Variants in CHODL observed in about 807,000 individuals in gnomAD.
CHODL encodes transmembrane protein MT75.
A neutral mutation model predicts 34.5 loss-of-function variants in CHODL; 29 were observed. The ratio of observed to expected loss-of-function variants is 0.84; its 90% confidence interval spans 0.63 to 1.15. CHODL has a LOEUF of 1.15. Ranked by LOEUF, CHODL falls within the 50% of genes most tolerant of loss-of-function variation. The pLI, the probability that CHODL is intolerant of heterozygous loss-of-function variation, is 0.00. For synonymous variants in CHODL, 125 were observed against 116.1 expected (o/e 1.08, Z -0.49); for missense variants, 332 against 332.5 (o/e 1.00, Z 0.01).
intron 1 of CHODL, among the ~76,000 whole-genome samples, chr21:17,923,926 G>A (rs2063203417): frequency 6.6e-6 from 1 of 152,224 alleles, no homozygotes; most frequent in Non-Finnish European, 1.5e-5. Flanking sequence ...ACAGGTTGAA[G>A]TCAAAGAAGC....
At chr21:17,927,118 A>G (rs1275732147) in intron 1 of CHODL, among the ~76,000 whole-genome samples, 1 of 117,058 alleles carries the variant, frequency 8.5e-6, no homozygotes, top group South Asian at 3.1e-4. Context: ...GTATATATGT[A>G]TATATGTATA....
chr21:18,176,742 C>G (rs2073319146), intron 2 of CHODL, among the ~76,000 whole-genome samples: 1 of 151,672 alleles, frequency 6.6e-6, no homozygotes, highest in African/African-American at 2.4e-5. Context: ...CAATTTGAAA[C>G]CAAAAAGGGT....
intron 2 of CHODL, among the ~76,000 whole-genome samples, chr21:18,031,960 T>A (rs936916442): frequency 1.3e-5 from 2 of 152,102 alleles, no homozygotes; most frequent in African/African-American, 4.8e-5. Context: ...ATTTATATGA[T>A]TTTTTGGCAC....
chr21:18,168,516 A>G lies in CHODL; in HGVS notation c.-44-87993A>G, dbSNP rs141955501. On this transcript the variant is annotated intron_variant, in intron 2 of 6. Coordinates refer to the CHODL transcript ENST00000400127. Reference sequence around the variant, plus strand: ...TTGTGGTTTTGATATGCATTTCCCTAATGATTAATGATATTAGACATCTTA... The same window carrying G: ...TTGTGGTTTTGATATGCATTTCCCTGATGATTAATGATATTAGACATCTTA... Among the ~76,000 whole-genome samples the G allele has an allele frequency of 4.4e-4, 67 of 152,272 alleles. No individual in the cohort carries two copies. In the East Asian group the frequency reaches 0.011, roughly 25 times the overall value.
chr21:18,114,530 G>GCAA (rs989920940), intron 2 of CHODL, among the ~76,000 whole-genome samples: 60 of 152,188 alleles, frequency 3.9e-4, no homozygotes, highest in African/African-American at 1.3e-3. Context: ...TTGGCTCACT[G>GCAA]CAACCTCTGT....
intron 1 of CHODL, among the ~76,000 whole-genome samples, chr21:18,010,728 C>A (rs158069): frequency 0.41 from 62,042 of 152,058 alleles, 15,396 homozygotes; most frequent in African/African-American, 0.7. Context: ...CAAAAACAAA[C>A]CACTTAAAAA....
chr21:18,050,510 G>A (rs1274354245), intron 2 of CHODL, among the ~76,000 whole-genome samples: 1 of 152,098 alleles, frequency 6.6e-6, no homozygotes, highest in East Asian at 1.9e-4. Flanking sequence ...CAGATTGGAC[G>A]AAGGTGGTAG....
chr21:17,971,636 A>G (rs573100712), intron 1 of CHODL, among the ~76,000 whole-genome samples: 18 of 152,128 alleles, frequency 1.2e-4, no homozygotes, highest in African/African-American at 4.3e-4. Flanking sequence ...GATATTAACA[A>G]GTTCTAAAAT....
chr21:18,265,108 G>A (rs8127771), intron 5 of CHODL, among the ~76,000 whole-genome samples: 24,896 of 151,308 alleles, frequency 0.16, 2,414 homozygotes, highest in African/African-American at 0.28. Flanking sequence ...TCAGGCACAT[G>A]TTTGTAGGTG....
intron 1 of CHODL, among the ~76,000 whole-genome samples, chr21:17,945,384 A>C (rs2824574): frequency 0.46 from 69,629 of 151,792 alleles, 16,661 homozygotes; most frequent in East Asian, 0.61. Context: ...CCAAAAAGTG[A>C]GAATATTGAC....
chr21:17,958,536 T>A (rs146260329), intron 1 of CHODL, among the ~76,000 whole-genome samples: 16 of 152,326 alleles, frequency 1.1e-4, no homozygotes, highest in African/African-American at 3.8e-4. Flanking sequence ...AGCCAGCTTT[T>A]AGAAGTATCA....
chr21:17,924,954 A>G (rs761850009), intron 1 of CHODL, among the ~76,000 whole-genome samples: 17 of 152,304 alleles, frequency 1.1e-4, no homozygotes, highest in Middle Eastern at 6.8e-3. Flanking sequence ...CTGTGGTCTG[A>G]ATTAGTTAAT....
At chr21:18,242,269 T>A (rs909404113), upstream of CHODL, among the ~76,000 whole-genome samples, 3 of 152,352 alleles carry the variant, frequency 2.0e-5, no homozygotes, top group Middle Eastern at 3.4e-3. Context: ...TATGACACCT[T>A]ATGCATATCC....
At chr21:18,186,433 T>C (rs895549536) in intron 2 of CHODL, among the ~76,000 whole-genome samples, 4 of 152,116 alleles carry the variant, frequency 2.6e-5, no homozygotes, top group Admixed American at 1.3e-4. Flanking sequence ...TCATGTTCAC[T>C]GCTGCAGGGC....
chr21:18,209,928 C>G (rs939749840), intron 2 of CHODL, among the ~76,000 whole-genome samples: 1 of 152,068 alleles, frequency 6.6e-6, no homozygotes, highest in Non-Finnish European at 1.5e-5. Flanking sequence ...CTTCTCTCTC[C>G]TTTTCTCAAG....
chr21:18,088,000 G>T (rs1003628870), intron 2 of CHODL, among the ~76,000 whole-genome samples: 2 of 152,102 alleles, frequency 1.3e-5, no homozygotes, highest in Admixed American at 6.5e-5. Context: ...GACAAGCGAA[G>T]GGGGAAGTGC....
chr21:18,221,719 A>G (rs2073885372), intron 2 of CHODL, among the ~76,000 whole-genome samples: 1 of 152,182 alleles, frequency 6.6e-6, no homozygotes, highest in African/African-American at 2.4e-5. Flanking sequence ...TTTGCTGTCA[A>G]TGGGTGTGCC....
intron 2 of CHODL, among the ~76,000 whole-genome samples, chr21:18,119,182 G>T (rs1390879773): frequency 6.6e-6 from 1 of 151,786 alleles, no homozygotes; most frequent in East Asian, 1.9e-4. Flanking sequence ...CTCAACATAA[G>T]GAACATACCC....
chr21:18,028,587 T>C (rs2064210943), intron 2 of CHODL, among the ~76,000 whole-genome samples: 1 of 150,490 alleles, frequency 6.6e-6, no homozygotes, highest in Non-Finnish European at 1.5e-5. Flanking sequence ...TAATCCCAGC[T>C]ATTTGGGAGG....
Sources: allele counts gnomAD v4.1 joint callset (sites outside exome capture counted in the v4.1 genomes callset), GRCh38; gene constraint gnomAD v4.1.1; transcripts MANE v1.5; gene names NCBI Gene and HGNC (gene_info 2026-07-23, HGNC 2026-07-21).